IVD: variants seen among roughly 807,000 people sequenced by gnomAD.
IVD encodes isovaleryl-CoA dehydrogenase.
A neutral mutation model predicts 51.3 loss-of-function variants in IVD; 31 were observed. The ratio of observed to expected loss-of-function variants is 0.60; its 90% CI spans 0.45 to 0.81. The LOEUF (loss-of-function observed/expected upper bound fraction) is 0.81. Ranked by LOEUF, IVD falls within the 40% of genes least tolerant of loss-of-function variation. IVD has a pLI of 0.00. For missense variants in IVD, 475 were observed against 552.0 expected (o/e 0.86, Z 1.40); for synonymous variants, 205 against 219.4 (o/e 0.93, Z 0.58).
In IVD at chr15:40,407,672, C is replaced by T. The variant is rs767318709; in HGVS notation, c.181C>T (p.Leu61=). ...QTMAKFLQEH[L]APKAQEIDRS... ...CATGGCTAAGTTCCTTCAGGAGCAC[C>T]TGGCCCCCAAGGCCCAGGAGATCGA... The change falls in exon 2 of 12, where the codon CTG becomes TTG. Residue 61 remains leucine, a synonymous_variant. Coordinates refer to ENST00000487418, the MANE Select transcript of IVD (RefSeq NM_002225.5). 1.2e-6 allele frequency: 2 copies of T among 1,614,080 alleles called. No individual in the cohort carries two copies. The highest frequency in any genetic ancestry group is 2.7e-5 in the African/African-American group (2 of 74,934).
Position 40,418,756 on chromosome 15 carries a change from T to C in IVD, c.*493T>C. ...GGTACAGGTTAAGTATCCCTAATCC[T>C]GAAATCTGAAACACTTGTGGTTCCA... On this transcript the variant is annotated 3_prime_UTR_variant, in exon 12 of 12. Transcript: ENST00000487418. The C allele has an allele frequency of 1.8e-6, 2 of 1,095,812 alleles. No individual in the cohort carries two copies. The highest frequency in any genetic ancestry group is 2.5e-5 in the South Asian group (1 of 39,626). 67.9% of individuals were successfully genotyped at this position (1,095,812 alleles called of 1,614,324 possible). A position where few individuals can be genotyped will look rare whatever the true frequency, so the allele number is the denominator to read the frequency against.
chr15:40,416,957 T>G (rs1278938536), intron 11 of IVD, among the ~76,000 whole-genome samples: 1 of 151,994 alleles, frequency 6.6e-6, no homozygotes, highest in Non-Finnish European at 1.5e-5. Flanking sequence ...TCCAACACTT[T>G]AGGAGACTGA....
At position 40,409,508 on chromosome 15, in the gene IVD, C is replaced by T. The variant is rs115675402; in HGVS notation, c.287-1120C>T. Among the ~76,000 whole-genome samples, 805 of 152,284 alleles carry T rather than the reference C, an allele frequency of 5.3e-3. 8 individuals carry two copies. Among genetic ancestry groups the T allele is most frequent in the African/African-American group, 0.018 (761 of 41,556 alleles). ...CTGCATGATGTCATGGTGGCTGTTT[C>T]TAATGTCACCTGCCTTCAGGCTTTC... On this transcript the variant is annotated intron_variant, in intron 3 of 11. Transcript: ENST00000487418.
intron 6 of IVD, 136 bp from the exon 7 acceptor site, chr15:40,412,855 G>T: frequency 1.4e-6 from 1 of 714,870 alleles, no homozygotes; most frequent in Non-Finnish European, 2.5e-6. Context: ...GGGGAGCATG[G>T]GACTAGGATG....
Position 40,407,936 on chromosome 15 carries a change from C to G in IVD, c.235-3C>G, listed in dbSNP as rs764018777. ...ATTCCACTCTGCTCCATTCTGTTGG[C>G]AGGAATTTTGGAAGCAGCTGGGGAA... On this transcript the variant is annotated splice_polypyrimidine_tract_variant and splice_region_variant and intron_variant, in intron 2 of 11. Transcript: ENST00000487418. 11 of 1,613,864 alleles carry G rather than the reference C, an allele frequency of 6.8e-6. No individual in the cohort carries two copies. The highest frequency in any genetic ancestry group is 9.3e-6 in the Non-Finnish European group (11 of 1,179,920).
chr15:40,406,482 T>C, intron 1 of IVD: 1 of 546,538 alleles, frequency 1.8e-6, no homozygotes, highest in South Asian at 1.7e-5. Context: ...AACACAAAAG[T>C]TGAACAAGTA....
rs985440857 is a variant in IVD at position 40,420,786 on chromosome 15, A to G, written c.*2523A>G. 8.1e-6 allele frequency: 8 copies of G among 985,698 alleles called. No individual in the cohort carries two copies. Among genetic ancestry groups the G allele is most frequent in the Non-Finnish European group, 9.6e-6 (8 of 830,114 alleles). The allele number at this position is 985,698 out of a possible 1,614,324, so 61.1% of individuals were successfully genotyped here. ...CTAGAATCCAGATCTGCTCATGGCA[A>G]AAATGGGGGTGTTCTGAGAATTCCA... On this transcript the variant is annotated 3_prime_UTR_variant, in exon 12 of 12. Transcript: ENST00000487418.
Position 40,414,896 on chromosome 15 carries a change from C to T in IVD, c.792C>T (p.Asn264=), listed in dbSNP as rs1014581097. The change falls in exon 8 of 12, where the codon AAC becomes AAT. Residue 264 remains asparagine (N), a synonymous_variant. Transcript: ENST00000487418. The stretch of plus-strand genomic sequence containing the variant: ...CAGCACTTATCCTGGCAGCTGCCAA[C>T]ATCCTGGGCCATGAGAATAAGGGTG... The part of the protein sequence containing the change: ...IFEDCKIPAA[N]ILGHENKGVY... The T allele has an allele frequency of 4.3e-6, 7 of 1,614,048 alleles. No homozygotes were observed. The highest frequency in any genetic ancestry group is 5.9e-6 in the Non-Finnish European group (7 of 1,180,016).
intron 7 of IVD, among the ~76,000 whole-genome samples, chr15:40,431,301 T>C (rs1368213331): frequency 1.3e-5 from 2 of 152,108 alleles, no homozygotes; most frequent in Non-Finnish European, 1.5e-5. Flanking sequence ...CTATTATTAA[T>C]GTGACCCTGG....
chr15:40,406,176 G>A, intron 1 of IVD: 2 of 1,537,136 alleles, frequency 1.3e-6, no homozygotes, highest in Non-Finnish European at 1.7e-6. Context: ...CGTCTGTGGA[G>A]TGAAGATTTG....
At chr15:40,406,228 G>A in intron 1 of IVD, 4 of 1,503,110 alleles carry the variant, frequency 2.7e-6, no homozygotes, top group Non-Finnish European at 3.6e-6. Flanking sequence ...AGGAGGAGTC[G>A]AGGCTGGGAG....
At position 40,431,064 on chromosome 15, in the gene IVD, G is replaced by T. The variant is rs1892942631; in HGVS notation, c.720-2790G>T. Among the ~76,000 whole-genome samples, 3 of 151,924 alleles carry T rather than the reference G, an allele frequency of 2.0e-5. No individual in the cohort carries two copies. The South Asian group carries it at 6.2e-4, about 31-fold the overall frequency. On this transcript the variant is annotated intron_variant, in intron 7 of 8. Transcript: ENST00000473112. ...TTTGGGGAAGCTTATTTAGGAAGAAGTGATGGAGAAATCATTAAAAGTGAC... is the reference window on the plus strand; with the variant it reads ...TTTGGGGAAGCTTATTTAGGAAGAATTGATGGAGAAATCATTAAAAGTGAC...
intron 7 of IVD, among the ~76,000 whole-genome samples, chr15:40,431,128 C>CTT (rs35473765): frequency 2.3e-4 from 32 of 140,158 alleles, no homozygotes; most frequent in African/African-American, 3.4e-4. Flanking sequence ...TATTATTACG[C>CTT]TTTTTTTTTT....
chr15:40,416,279 T>C lies in IVD; in HGVS notation c.1066-11T>C, dbSNP rs770732426. 6.2e-7 allele frequency: 1 copy of C among 1,614,218 alleles called. No homozygotes were observed. The highest frequency in any genetic ancestry group is 8.5e-7 in the Non-Finnish European group (1 of 1,180,026). On this transcript the variant is annotated splice_polypyrimidine_tract_variant and intron_variant, in intron 10 of 11. Transcript: ENST00000487418. ...TCGCAGGGCCCTGCTGACCCCAGCT[T>C]CCTCCCGTAGGACTGTGCAGGTGTG...
chr15:40,407,688 A>G lies in IVD; in HGVS notation c.197A>G (p.Gln66Arg), dbSNP rs1196240832. Reference sequence around the variant, plus strand: ...CAGGAGCACCTGGCCCCCAAGGCCCAGGAGATCGATCGCAGCAATGAGTTC... The same window carrying G: ...CAGGAGCACCTGGCCCCCAAGGCCCGGGAGATCGATCGCAGCAATGAGTTC... ...FLQEHLAPKA[Q>R]EIDRSNEFKN... The change falls in exon 2 of 12, where the codon CAG becomes CGG. Residue 66 changes from glutamine to arginine, a missense_variant. Coordinates refer to ENST00000487418, the MANE Select transcript of IVD (RefSeq NM_002225.5). The G allele has an allele frequency of 6.2e-7, 1 of 1,614,204 alleles. No homozygotes were observed. The highest frequency in any genetic ancestry group is 8.5e-7 in the Non-Finnish European group (1 of 1,180,034).
Position 40,407,629 on chromosome 15 carries a change from C to T in IVD, c.145-7C>T, listed in dbSNP as rs2141301246. ...GCAGTGGCATCTGTTTACCTCTCTC[C>T]TATTAGCTTCGTCAGACCATGGCTA... is the stretch of plus-strand genomic sequence containing the variant. On this transcript the variant is annotated splice_region_variant and splice_polypyrimidine_tract_variant and intron_variant, in intron 1 of 11. Transcript: ENST00000487418. 1 of 1,612,172 alleles carries T rather than the reference C, an allele frequency of 6.2e-7. No homozygotes were observed. The highest frequency in any genetic ancestry group is 8.5e-7 in the Non-Finnish European group (1 of 1,178,230).
rs373534546 is a variant in IVD at position 40,414,955 on chromosome 15, G to T, written c.851G>T (p.Arg284Leu). 2.5e-6 allele frequency: 4 copies of T among 1,613,936 alleles called. No homozygotes were observed. In the African/African-American group the frequency reaches 4.0e-5, roughly 16 times the overall value. ...YVLMSGLDLE[R>L]LVLAGGPLGL... is the part of the protein sequence containing the mutation. The stretch of plus-strand genomic sequence containing the variant: ...CTGATGAGTGGGCTGGACCTGGAGC[G>T]GCTGGTGCTGGCCGGGGGGCCTCTT... The change falls in exon 8 of 12, where the codon CGG (arginine) becomes CTG (leucine). Residue 284 changes from arginine to leucine, a missense_variant. Coordinates refer to ENST00000487418, the MANE Select transcript of IVD (RefSeq NM_002225.5).
At chr15:40,425,833 A>G (rs1892640151), downstream of IVD, among the ~76,000 whole-genome samples, 1 of 151,776 alleles carries the variant, frequency 6.6e-6, no homozygotes, top group Admixed American at 6.6e-5. Context: ...TTTTTGAGAC[A>G]GGGCCTCACT....
chr15:40,423,706 C>T (rs1892500409), downstream of IVD, among the ~76,000 whole-genome samples: 1 of 152,062 alleles, frequency 6.6e-6, no homozygotes. Flanking sequence ...ATGATCTGCC[C>T]ACCTCGGCCC....
Sources: gnomAD v4.1 joint callset for allele counts (sites outside exome capture counted in the v4.1 genomes callset) on GRCh38, gnomAD v4.1.1 for gene constraint, MANE v1.5 for transcripts, NCBI Gene and HGNC (gene_info 2026-07-23, HGNC 2026-07-21) for gene names.